The following ADAM21 variants were observed in gnomAD, a reference collection of about 807,000 sequenced individuals.
ADAM21 encodes disintegrin and metalloproteinase domain-containing protein 21.
For synonymous variants in ADAM21, 262 were observed against 306.0 expected (o/e 0.86, Z 1.50); for missense variants, 678 against 874.4 (o/e 0.78, Z 2.83).
At position 70,459,420 on chromosome 14, in the gene ADAM21, A is replaced by G. The variant is rs760353378; in HGVS notation, c.1921A>G (p.Met641Val). 5.6e-6 allele frequency: 9 copies of G among 1,614,240 alleles called. No individual in the cohort carries two copies. The highest frequency in any genetic ancestry group is 3.3e-5 in the Admixed American group (2 of 60,026). Residue 641 changes from methionine to valine, a missense_variant, in exon 2 of 2, where the codon ATG (methionine) becomes GTG (valine). By Grantham distance (21) the Met-to-Val change is conservative (BLOSUM62 1). Coordinates refer to ENST00000603540, the MANE Select transcript of ADAM21 (RefSeq NM_003813.4). ...SHVCLPETCN[M>V]KGICNNKHHC... ...TGTCTGCCTTCCTGAGACCTGCAAT[A>G]TGAAGGGGATCTGCAATAACAAACA...
Position 70,458,444 on chromosome 14 carries a change from A to G in ADAM21, c.945A>G (p.Ile315Met), listed in dbSNP as rs201553749. The G allele has an allele frequency of 2.8e-4, 451 of 1,614,166 alleles. 4 individuals carry two copies. The East Asian group carries it at 9.3e-3, about 33-fold the overall frequency. ...SILGLAYVAG[I>M]CRPPIDCGVD... ...TTGGCCTAGCCTATGTTGCAGGAAT[A>G]TGTCGTCCACCTATTGATTGTGGAG... is the stretch of plus-strand genomic sequence containing the variant. The change falls in exon 2 of 2, where the codon ATA becomes ATG. Residue 315 changes from isoleucine (I) to methionine (M), a missense_variant. Transcript: ENST00000603540.
At chr14:70,454,522 G>A (rs772767816) in intron 1 of ADAM21, among the ~76,000 whole-genome samples, 3 of 152,278 alleles carry the variant, frequency 2.0e-5, no homozygotes, top group South Asian at 4.2e-4. Flanking sequence ...AGAGAAATGG[G>A]GGATGATGAA....
intron 1 of ADAM21, among the ~76,000 whole-genome samples, chr14:70,456,063 C>G (rs1383324644): frequency 1.3e-5 from 2 of 151,988 alleles, no homozygotes; most frequent in South Asian, 2.1e-4. Flanking sequence ...TTGTTTGTTT[C>G]TACACATGCT....
chr14:70,456,692 T>C (rs1437989552), intron 1 of ADAM21, among the ~76,000 whole-genome samples: 1 of 152,188 alleles, frequency 6.6e-6, no homozygotes, highest in Non-Finnish European at 1.5e-5. Context: ...ATGAACACAT[T>C]TTAGTAGCAT....
chr14:70,459,784 A>G lies in ADAM21; in HGVS notation c.*116A>G. 1 of 1,269,766 alleles carries G rather than the reference A, an allele frequency of 7.9e-7. No individual in the cohort carries two copies. Among genetic ancestry groups the G allele is most frequent in the Non-Finnish European group, 1.1e-6 (1 of 919,366 alleles). The allele number at this position is 1,269,766 out of a possible 1,614,324, so 78.7% of individuals were successfully genotyped here. A position where few individuals can be genotyped will look rare whatever the true frequency, so the allele number is the denominator to read the frequency against. ...TTCTGACCATTTCCAGAAAGCTGCA[A>G]AGATCTTCCCTTACATTAGTACCAC... On this transcript the variant is annotated 3_prime_UTR_variant, in exon 2 of 2. Transcript: ENST00000603540.
At chr14:70,454,916 T>C (rs1463499666) in intron 1 of ADAM21, among the ~76,000 whole-genome samples, 1 of 152,192 alleles carries the variant, frequency 6.6e-6, no homozygotes, top group African/African-American at 2.4e-5. Flanking sequence ...TATTGCAGGA[T>C]AAATGATTTG....
chr14:70,459,818 TC>T lies in ADAM21; in HGVS notation c.*151del, dbSNP rs1346345466. 1.7e-5 allele frequency: 15 copies of T among 898,880 alleles called. No individual in the cohort carries two copies. The highest frequency in any genetic ancestry group is 5.0e-5 in the African/African-American group (3 of 59,660). 55.7% of individuals were successfully genotyped at this position (898,880 alleles called of 1,614,324 possible). Reference sequence around the variant, plus strand: ...CCTTACATTAGTACCACAAACATTGTCATTAAGTTCAAGTTATTCTTAACAT... The same window carrying T: ...CCTTACATTAGTACCACAAACATTGTATTAAGTTCAAGTTATTCTTAACAT... On this transcript the variant is annotated 3_prime_UTR_variant, in exon 2 of 2. Transcript: ENST00000603540.
Position 70,459,089 on chromosome 14 carries a change from T to C in ADAM21, c.1590T>C (p.Tyr530=), listed in dbSNP as rs757215294. Residue 530 remains tyrosine, a synonymous_variant, in exon 2 of 2, where the codon TAT becomes TAC. Transcript: ENST00000603540. ...CAAAAAGTGCATCTCAGAATTGCTATAAAGAAATCAATTCTCAGGGAAACC... is the reference window on the plus strand; with the variant it reads ...CAAAAAGTGCATCTCAGAATTGCTACAAAGAAATCAATTCTCAGGGAAACC... ...KDAKSASQNC[Y]KEINSQGNRF... 4 of 1,612,546 alleles carry C rather than the reference T, an allele frequency of 2.5e-6. No homozygotes were observed. The highest frequency in any genetic ancestry group is 1.7e-6 in the Non-Finnish European group (2 of 1,179,318).
At position 70,459,356 on chromosome 14, in the gene ADAM21, C is replaced by A. The variant is rs758544523; in HGVS notation, c.1857C>A (p.Cys619Ter). 4.3e-6 allele frequency: 7 copies of A among 1,614,062 alleles called. No homozygotes were observed. The Admixed American group carries it at 1.2e-4, about 27-fold the overall frequency. ...CTGTGTGTGGCCCAGGAAAGATCTG[C>A]ATCCATAAGAAGTGTGTCAGTCTGT... is the stretch of plus-strand genomic sequence containing the variant. ...DGTVCGPGKI[C>*]IHKKCVSLSV... The change falls in exon 2 of 2, where the codon TGC (cysteine) becomes TGA (stop). Residue 619 changes from cysteine (C) to a stop codon, truncating the protein, a stop_gained. Coordinates refer to ENST00000603540, the MANE Select transcript of ADAM21 (RefSeq NM_003813.4). LOFTEE classifies it low-confidence loss of function (END_TRUNC).
In ADAM21 at chr14:70,457,912, T is replaced by A; in HGVS notation, c.413T>A (p.Ile138Lys). 1 of 1,614,102 alleles carries A rather than the reference T, an allele frequency of 6.2e-7. No individual in the cohort carries two copies. The highest frequency in any genetic ancestry group is 8.5e-7 in the Non-Finnish European group (1 of 1,180,030). Residue 138 changes from isoleucine (I) to lysine (K), a missense_variant, in exon 2 of 2, where the codon ATA becomes AAA. Coordinates refer to ENST00000603540, the MANE Select transcript of ADAM21 (RefSeq NM_003813.4). ...CFGGFRGVLK[I>K]SGLTYEIEPI... ...GGGGGCTTTCGAGGAGTATTAAAAA[T>A]AAGTGGCCTCACTTATGAAATTGAA... is the stretch of plus-strand genomic sequence containing the variant.
At position 70,458,994 on chromosome 14, in the gene ADAM21, A is replaced by C; in HGVS notation, c.1495A>C (p.Ser499Arg). 6.2e-7 allele frequency: 1 copy of C among 1,614,178 alleles called. No homozygotes were observed. The highest frequency in any genetic ancestry group is 8.5e-7 in the Non-Finnish European group (1 of 1,180,028). ...YVQDGIPCSD[S>R]AYCYQKRCNN... ...GCAGGACGGGATCCCCTGTAGTGAC[A>C]GTGCCTACTGCTATCAAAAGAGGTG... Residue 499 changes from serine (S) to arginine (R), a missense_variant, in exon 2 of 2, where the codon AGT becomes CGT. Coordinates refer to ENST00000603540, the MANE Select transcript of ADAM21 (RefSeq NM_003813.4).
At chr14:70,453,064 T>C (rs1165401057) in intron 1 of ADAM21, among the ~76,000 whole-genome samples, 1 of 151,790 alleles carries the variant, frequency 6.6e-6, no homozygotes, top group Non-Finnish European at 1.5e-5. Flanking sequence ...GTGTATCATA[T>C]TCCAGAGAAA....
intron 1 of ADAM21, among the ~76,000 whole-genome samples, chr14:70,455,287 AG>A (rs1480644763): frequency 6.6e-6 from 1 of 152,150 alleles, no homozygotes; most frequent in Non-Finnish European, 1.5e-5. Context: ...CTTCTGTGTA[AG>A]TCCTCTTAGA....
intron 1 of ADAM21, among the ~76,000 whole-genome samples, chr14:70,455,352 C>T (rs1889089908): frequency 6.6e-6 from 1 of 152,062 alleles, no homozygotes; most frequent in African/African-American, 2.4e-5. Flanking sequence ...TAGCACCTAC[C>T]TTCATCAATA....
rs146859729 is a variant in ADAM21, at chr14:70,458,793, G to A, written c.1294G>A (p.Ala432Thr). ...ATCCGTACAGCAGTGTGAACAAGAC[G>A]CCTGTTGTCTGTTGAACTGCACTCT... ...CGSVQQCEQDACCLLNCTLRP... is the reference protein window; with the variant it reads ...CGSVQQCEQDTCCLLNCTLRP... Residue 432 changes from alanine (A) to threonine (T), a missense_variant, in exon 2 of 2, where the codon GCC (alanine) becomes ACC (threonine). Physicochemically the swap from Ala to Thr is moderately conservative, Grantham distance 58. Coordinates refer to ENST00000603540, the MANE Select transcript of ADAM21 (RefSeq NM_003813.4). 1.4e-4 allele frequency: 222 copies of A among 1,614,048 alleles called. No homozygotes were observed. The highest frequency in any genetic ancestry group is 1.7e-4 in the Non-Finnish European group (199 of 1,180,036).
rs1394853604 is a variant in ADAM21 at position 70,457,524 on chromosome 14, T to C, written c.25T>C (p.Tyr9His). 1 of 1,593,106 alleles carries C rather than the reference T, an allele frequency of 6.3e-7. No homozygotes were observed. Among genetic ancestry groups the C allele is most frequent in the African/African-American group, 1.4e-5 (1 of 73,872 alleles). Reference sequence around the variant, plus strand: ...AATGGCAGTGGATGGGACCCTCGTGTACATCAGAGTCACTCTTCTGCTGCT... The same window carrying C: ...AATGGCAGTGGATGGGACCCTCGTGCACATCAGAGTCACTCTTCTGCTGCT... MAVDGTLV[Y>H]IRVTLLLLWL... The change falls in exon 2 of 2, where the codon TAC becomes CAC. Residue 9 changes from tyrosine to histidine, a missense_variant. By Grantham distance (83) the Tyr-to-His change is moderately conservative. Transcript: ENST00000603540.
At chr14:70,452,609 G>A (rs1039109716) in intron 1 of ADAM21, among the ~76,000 whole-genome samples, 15 of 152,090 alleles carry the variant, frequency 9.9e-5, no homozygotes, top group African/African-American at 1.2e-4. Flanking sequence ...CTCGTGATCC[G>A]CCCTCCTCGG....
intron 1 of ADAM21, among the ~76,000 whole-genome samples, chr14:70,455,351 C>T (rs927460111): frequency 6.6e-6 from 1 of 152,244 alleles, no homozygotes; most frequent in Non-Finnish European, 1.5e-5. Context: ...ATAGCACCTA[C>T]CTTCATCAAT....
Position 70,454,237 on chromosome 14 carries a change from G to A in ADAM21, c.-152+1974G>A, listed in dbSNP as rs147958577. Among the ~76,000 whole-genome samples, 458 of 152,138 alleles carry A rather than the reference G, an allele frequency of 3.0e-3. 2 individuals carry two copies. The highest frequency in any genetic ancestry group is 0.011 in the African/African-American group (443 of 41,518). On this transcript the variant is annotated intron_variant, in intron 1 of 1. Transcript: ENST00000603540. ...CTCTATTCCTTAGGCTGGGGATCCA[G>A]GACAAGCCATTTCAGTTTTGATTTC...
Sources: gnomAD v4.1 joint callset for allele counts (sites outside exome capture counted in the v4.1 genomes callset) on GRCh38, gnomAD v4.1.1 for gene constraint, MANE v1.5 for transcripts, NCBI Gene and HGNC (gene_info 2026-07-23, HGNC 2026-07-21) for gene names.